Variants in PABPC4L observed in about 807,000 individuals in gnomAD.
PABPC4L encodes poly(A) binding protein cytoplasmic 4 like.
For synonymous variants in PABPC4L, 169 were observed against 164.1 expected, an observed-to-expected ratio of 1.03 and a Z score of -0.23; for missense variants, 452 against 451.4, an observed-to-expected ratio of 1.00 and a Z score of -0.01.
At chr4:134,080,882 C>T in the PABPC4L span, among the ~76,000 whole-genome samples, 4 of 152,062 alleles carry the variant, frequency 2.6e-5, no homozygotes, top group African/African-American at 9.7e-5. Context: ...TGTCTGTTGT[C>T]ACTAACACAC....
At chr4:133,959,931 T>A in the PABPC4L span, among the ~76,000 whole-genome samples, 1 of 152,236 alleles carries the variant, frequency 6.6e-6, no homozygotes. Flanking sequence ...TTAATGAATA[T>A]TTCTTATATA....
chr4:133,982,834 T>C, the PABPC4L span, among the ~76,000 whole-genome samples: 1 of 152,028 alleles, frequency 6.6e-6, no homozygotes, highest in Admixed American at 6.6e-5. Context: ...TCTGAACTGC[T>C]CAGGAGCACA....
the PABPC4L span, among the ~76,000 whole-genome samples, chr4:134,104,947 A>G: frequency 1.3e-5 from 2 of 151,836 alleles, no homozygotes; most frequent in African/African-American, 4.8e-5. Flanking sequence ...TCATGTCTTA[A>G]TAAAGTTGAG....
chr4:134,077,843 G>T, the PABPC4L span, among the ~76,000 whole-genome samples: 1 of 151,866 alleles, frequency 6.6e-6, no homozygotes, highest in Non-Finnish European at 1.5e-5. Flanking sequence ...TTGCAATTAT[G>T]TGACACATGG....
chr4:134,023,663 A>G, the PABPC4L span, among the ~76,000 whole-genome samples: 1 of 152,040 alleles, frequency 6.6e-6, no homozygotes, highest in South Asian at 2.1e-4. Flanking sequence ...TTTAAAAAAC[A>G]TGTAAATTAA....
the PABPC4L span, among the ~76,000 whole-genome samples, chr4:134,038,457 T>A: frequency 6.6e-6 from 1 of 152,092 alleles, no homozygotes; most frequent in African/African-American, 2.4e-5. Flanking sequence ...GGTCCAGGAC[T>A]TTTTTGGTTG....
the PABPC4L span, among the ~76,000 whole-genome samples, chr4:134,022,815 A>G: frequency 6.6e-6 from 1 of 151,758 alleles, no homozygotes; most frequent in African/African-American, 2.4e-5. Context: ...TTTTCCCCAT[A>G]TATGCAGGAG....
Position 134,201,084 on chromosome 4 carries a change from A to G in PABPC4L, c.-65T>C. 6.4e-7 allele frequency: 1 copy of G among 1,551,212 alleles called. No homozygotes were observed. Among genetic ancestry groups the G allele is most frequent in the Non-Finnish European group, 8.7e-7 (1 of 1,146,952 alleles). On this transcript the variant is annotated 5_prime_UTR_variant, in exon 2 of 2. Coordinates refer to ENST00000421491, the MANE Select transcript of PABPC4L (RefSeq NM_001114734.2). ...CTTTGAGCAATCCCTGTGGGGGGATACTAGGTCACAGCTTTGGCCCGGTTC... is the reference window on the plus strand; with the variant it reads ...CTTTGAGCAATCCCTGTGGGGGGATGCTAGGTCACAGCTTTGGCCCGGTTC...
chr4:134,044,940 TA>T, the PABPC4L span, among the ~76,000 whole-genome samples: 7 of 152,266 alleles, frequency 4.6e-5, no homozygotes, highest in African/African-American at 1.7e-4. Flanking sequence ...CAATTTCCAG[TA>T]AAATCATTAT....
the PABPC4L span, among the ~76,000 whole-genome samples, chr4:134,143,928 A>G: frequency 6.6e-6 from 1 of 151,446 alleles, no homozygotes; most frequent in African/African-American, 2.4e-5. Flanking sequence ...TCACCTGCAT[A>G]TTTTACTTAT....
chr4:134,003,789 C>T, the PABPC4L span, among the ~76,000 whole-genome samples: 5 of 151,700 alleles, frequency 3.3e-5, no homozygotes, highest in Admixed American at 6.6e-5. Context: ...ACACGGGAAG[C>T]AAAACGCATG....
the PABPC4L span, among the ~76,000 whole-genome samples, chr4:134,153,818 T>G: frequency 4.8e-5 from 7 of 146,150 alleles, no homozygotes; most frequent in African/African-American, 1.8e-4. Context: ...TAGTTTTTTT[T>G]TTTTTTTTTT....
chr4:134,097,057 T>C, the PABPC4L span, among the ~76,000 whole-genome samples: 1 of 151,922 alleles, frequency 6.6e-6, no homozygotes, highest in Non-Finnish European at 1.5e-5. Flanking sequence ...TGTGTAATTG[T>C]TTTATTACTT....
At chr4:134,018,354 G>A in the PABPC4L span, among the ~76,000 whole-genome samples, 1 of 152,094 alleles carries the variant, frequency 6.6e-6, no homozygotes, top group Non-Finnish European at 1.5e-5. Context: ...AGCCTGTTTG[G>A]TGGTCTCTTC....
At chr4:134,128,285 T>A in the PABPC4L span, among the ~76,000 whole-genome samples, 4 of 152,124 alleles carry the variant, frequency 2.6e-5, no homozygotes, top group African/African-American at 4.8e-5. Context: ...GAGATCTAGA[T>A]ATTCAAATTA....
chr4:133,981,520 T>C, the PABPC4L span, among the ~76,000 whole-genome samples: 1 of 151,888 alleles, frequency 6.6e-6, no homozygotes, highest in East Asian at 1.9e-4. Context: ...AGTGGTTATT[T>C]AGCAGAATCA....
In PABPC4L at chr4:134,199,778, A is replaced by C; in HGVS notation, c.*129T>G. On this transcript the variant is annotated 3_prime_UTR_variant, in exon 2 of 2. Coordinates refer to ENST00000421491, the MANE Select transcript of PABPC4L (RefSeq NM_001114734.2). ...AATGGCTTTGTATAAAAAACGTTTT[A>C]TCATAAAGTTTACTAAACTAAGCAC... 1 of 1,238,012 alleles carries C rather than the reference A, an allele frequency of 8.1e-7. No homozygotes were observed. The highest frequency in any genetic ancestry group is 1.1e-6 in the Non-Finnish European group (1 of 922,316). 76.7% of individuals were successfully genotyped at this position (1,238,012 alleles called of 1,614,324 possible).
At chr4:134,011,618 T>A in the PABPC4L span, among the ~76,000 whole-genome samples, 1 of 152,170 alleles carries the variant, frequency 6.6e-6, no homozygotes, top group Non-Finnish European at 1.5e-5. Context: ...TGAATACGAT[T>A]ATTTTATTCT....
chr4:133,994,068 C>A, the PABPC4L span, among the ~76,000 whole-genome samples: 3 of 152,084 alleles, frequency 2.0e-5, no homozygotes, highest in Non-Finnish European at 2.9e-5. Context: ...GAGTAAGAGC[C>A]AATCTTGAGG....
Sources: gnomAD v4.1 joint callset for allele counts (sites outside exome capture counted in the v4.1 genomes callset) on GRCh38, gnomAD v4.1.1 for gene constraint, MANE v1.5 for transcripts, NCBI Gene and HGNC (gene_info 2026-07-23, HGNC 2026-07-21) for gene names.